Variants in ZC3H4 observed in about 807,000 individuals in gnomAD.
ZC3H4 encodes the protein zinc finger CCCH-type containing 4.
A neutral mutation model predicts 108.3 loss-of-function variants in ZC3H4; 13 were observed. The observed-to-expected ratio is 0.12, with a 90% CI of 0.08 to 0.19. ZC3H4 has a LOEUF of 0.19. Ranked by LOEUF, ZC3H4 falls within the 10% of genes least tolerant of loss-of-function variation. The pLI, the probability that ZC3H4 is intolerant of heterozygous loss-of-function variation, is 1.00. For missense variants in ZC3H4, 1,734 were observed against 1,838.8 expected, an observed-to-expected ratio of 0.94 and a Z score of 1.04; for synonymous variants, 917 against 749.6, an observed-to-expected ratio of 1.22 and a Z score of -3.65.
At chr19:47,086,103 G>A (rs879436059) in intron 6 of ZC3H4, among the ~76,000 whole-genome samples, 3 of 152,148 alleles carry the variant, frequency 2.0e-5, no homozygotes, top group Admixed American at 6.6e-5. Flanking sequence ...TCCTGACCTC[G>A]TGATCCACCT....
At position 47,066,386 on chromosome 19, in the gene ZC3H4, G is replaced by A. The variant is rs541784925; in HGVS notation, c.3882C>T (p.Phe1294=). The A allele has an allele frequency of 2.0e-5, 32 of 1,565,968 alleles. No individual in the cohort carries two copies. In the African/African-American group the frequency reaches 2.4e-4, roughly 12 times the overall value. Residue 1294 remains phenylalanine (F), a synonymous_variant, in exon 15 of 15, where the codon TTC becomes TTT. Transcript: ENST00000253048. ...AASLKDVFKG[F]DPTASPFCQ ...GGCAAAAGGGGGAGGCCGTGGGGTC[G>A]AAGCCTTTAAAAACATCCTTCAGGG... is the stretch of plus-strand genomic sequence containing the variant.
chr19:47,103,344 C>T lies in ZC3H4; in HGVS notation c.162-8736G>A, dbSNP rs1190684901. Among the ~76,000 whole-genome samples, 6 of 152,000 alleles carry T rather than the reference C, an allele frequency of 3.9e-5. No individual in the cohort carries two copies. In the South Asian group the frequency reaches 1.0e-3, roughly 26 times the overall value. ...TCTACACAGGGTCTTGCTCTGTCAC[C>T]CAGGCTGGAGTGCAGTGGTGTGATC... On this transcript the variant is annotated intron_variant, in intron 2 of 14. Transcript: ENST00000253048.
intron 13 of ZC3H4, among the ~76,000 whole-genome samples, 177 bp downstream of exon 13, chr19:47,071,597 CCTTT>C (rs1196308196): frequency 6.6e-6 from 1 of 152,044 alleles, no homozygotes; most frequent in Non-Finnish European, 1.5e-5. Context: ...ACAGAATACT[CCTTT>C]CTTCTTCAAC....
chr19:47,072,296 C>T lies in ZC3H4; in HGVS notation c.1802+56G>A. On this transcript the variant is annotated intron_variant, in intron 12 of 14. Coordinates refer to ENST00000253048, the MANE Select transcript of ZC3H4 (RefSeq NM_015168.2). The surrounding 1 kb of genome is among the most constrained non-coding windows in gnomAD (Gnocchi z 5.6). The stretch of plus-strand genomic sequence containing the variant: ...GCCAGGCTTGCCCTAACAAGAGGAG[C>T]CTGGCTGGGCCCAGGACAGCGCCCA... The T allele has an allele frequency of 6.4e-7, 1 of 1,557,670 alleles. No individual in the cohort carries two copies. The highest frequency in any genetic ancestry group is 8.7e-7 in the Non-Finnish European group (1 of 1,146,058).
At chr19:47,108,811 G>A (rs573948355) in intron 2 of ZC3H4, among the ~76,000 whole-genome samples, 4 of 152,212 alleles carry the variant, frequency 2.6e-5, no homozygotes, top group Admixed American at 2.6e-4. Context: ...ATTGTACCTG[G>A]GGGAGAGGAC....
chr19:47,092,775 C>G (rs2057756310), intron 4 of ZC3H4, among the ~76,000 whole-genome samples: 1 of 151,702 alleles, frequency 6.6e-6, no homozygotes, highest in Admixed American at 6.6e-5. Context: ...CGAGATTGCC[C>G]CACTGCACTC....
chr19:47,105,608 C>G (rs553104421), intron 2 of ZC3H4, among the ~76,000 whole-genome samples: 1 of 152,114 alleles, frequency 6.6e-6, no homozygotes, highest in East Asian at 1.9e-4. Flanking sequence ...CAAAACAACA[C>G]AAACCAACAA....
At chr19:47,096,931 G>C in intron 2 of ZC3H4, 1 of 985,420 alleles carries the variant, frequency 1.0e-6, no homozygotes, top group Non-Finnish European at 1.2e-6. Context: ...CCGCGGCACA[G>C]CAGGCGACAG....
Position 47,072,102 on chromosome 19 carries a change from G to C in ZC3H4, c.1822C>G (p.Pro608Ala), listed in dbSNP as rs867221960. The change falls in exon 13 of 15, where the codon CCC becomes GCC. Residue 608 changes from proline to alanine, a missense_variant. Transcript: ENST00000253048. This position sits in a 1 kb window ranked among gnomAD's most constrained non-coding sequence, Gnocchi z 5.6. ...LGVRFPGPGGPPGPMGPGPNM... is the reference protein window; with the variant it reads ...LGVRFPGPGGAPGPMGPGPNM... ...GGCCCAGGGCCCATTGGCCCTGGGG[G>C]TCCACCGGGTCCAGGGAACCTAGAA... 1 of 1,541,428 alleles carries C rather than the reference G, an allele frequency of 6.5e-7. No individual in the cohort carries two copies. The highest frequency in any genetic ancestry group is 8.7e-7 in the Non-Finnish European group (1 of 1,147,958).
In ZC3H4 at chr19:47,066,524, G is replaced by A. The variant is rs747595065; in HGVS notation, c.3744C>T (p.His1248=). 2.7e-5 allele frequency: 43 copies of A among 1,571,810 alleles called. No individual in the cohort carries two copies. The South Asian group carries it at 4.4e-4, about 16-fold the overall frequency. The change falls in exon 15 of 15, where the codon CAC becomes CAT. Residue 1248 remains histidine, a synonymous_variant. Coordinates refer to ENST00000253048, the MANE Select transcript of ZC3H4 (RefSeq NM_015168.2). The part of the protein sequence containing the change: ...PEGAPPQPGV[H]NLPVPTLFGT... ...CGAAGAGGGTGGGCACGGGCAGGTTGTGCACCCCGGGCTGGGGTGGGGCAC... is the reference window on the plus strand; with the variant it reads ...CGAAGAGGGTGGGCACGGGCAGGTTATGCACCCCGGGCTGGGGTGGGGCAC...
At chr19:47,113,036 G>C (rs1014700131) in intron 1 of ZC3H4, among the ~76,000 whole-genome samples, 3 of 152,252 alleles carry the variant, frequency 2.0e-5, no homozygotes, top group Admixed American at 1.3e-4. Flanking sequence ...CCGCGGAGAC[G>C]GGCCGACTGT....
intron 13 of ZC3H4, 136 bp from the exon 14 acceptor site, chr19:47,069,479 C>CAGGTCTCAGGGGAA: frequency 8.5e-7 from 1 of 1,169,678 alleles, no homozygotes; most frequent in Non-Finnish European, 1.2e-6. Flanking sequence ...CTGCCCTCCC[C>CAGGTCTCAGGGGAA]AGGTCTCAGG....
intron 7 of ZC3H4, 36 bp from the exon 8 acceptor site, chr19:47,085,231 A>ACCCCCCCC: frequency 2.6e-6 from 4 of 1,560,374 alleles, no homozygotes; most frequent in Non-Finnish European, 8.7e-7. Context: ...CCTGCTGACC[A>ACCCCCCCC]CCCCCTCCCC....
At chr19:47,073,836 TG>T (rs1836267457) in intron 11 of ZC3H4, among the ~76,000 whole-genome samples, 1 of 152,198 alleles carries the variant, frequency 6.6e-6, no homozygotes, top group African/African-American at 2.4e-5. Context: ...CTTAGCAAAG[TG>T]CATCTATCTA....
rs553381584 is a variant in ZC3H4 at position 47,089,035 on chromosome 19, G to A, written c.715+932C>T. ...AGCCTGACCAACATGGTGAAACTCC[G>A]TCTCTACTAAAAATACAAAAACTAG... On this transcript the variant is annotated intron_variant, in intron 5 of 14. Coordinates refer to ENST00000253048, the MANE Select transcript of ZC3H4 (RefSeq NM_015168.2). 7.7e-4 allele frequency among the ~76,000 whole-genome samples: 117 copies of A among 151,658 alleles called. 1 individual carries two copies. The highest frequency in any genetic ancestry group is 2.6e-3 in the African/African-American group (108 of 41,388).
At chr19:47,089,773 G>A (rs1051820789) in intron 5 of ZC3H4, among the ~76,000 whole-genome samples, 194 bp downstream of exon 5, 1 of 152,190 alleles carries the variant, frequency 6.6e-6, no homozygotes, top group African/African-American at 2.4e-5. Context: ...ACACCAGCCT[G>A]GTACCACCCC....
intron 13 of ZC3H4, among the ~76,000 whole-genome samples, chr19:47,069,546 G>C (rs1469445269): frequency 6.6e-6 from 1 of 152,236 alleles, no homozygotes; most frequent in African/African-American, 2.4e-5. Flanking sequence ...TTCACAGAGA[G>C]GGTTGAGTGA....
intron 4 of ZC3H4, among the ~76,000 whole-genome samples, chr19:47,093,033 G>A (rs897027324): frequency 2.0e-5 from 3 of 151,556 alleles, no homozygotes; most frequent in East Asian, 1.9e-4. Context: ...TGGCTAAGAC[G>A]GTGAAATCCT....
intron 10 of ZC3H4, 100 bp downstream of exon 10, chr19:47,082,084 G>A (rs141864631): frequency 3.9e-6 from 4 of 1,035,874 alleles, no homozygotes; most frequent in Non-Finnish European, 6.1e-6. Context: ...TTGGCACAGA[G>A]AGAAAGCACA....
Sources: allele counts gnomAD v4.1 joint callset (sites outside exome capture counted in the v4.1 genomes callset), GRCh38; gene constraint gnomAD v4.1.1; non-coding constraint Gnocchi (gnomAD v3.1); transcripts MANE v1.5; gene names NCBI Gene and HGNC (gene_info 2026-07-23, HGNC 2026-07-21).